CEP15: variants seen among roughly 807,000 people sequenced by gnomAD.
The protein encoded by CEP15 is centrosomal protein 15.
chr3:62,325,598 C>A, the CEP15 span, among the ~76,000 whole-genome samples: 4 of 152,150 alleles, frequency 2.6e-5, no homozygotes, highest in African/African-American at 9.7e-5. Flanking sequence ...TGGAATTTAT[C>A]TGCCTTTTAA....
At chr3:62,325,690 ATC>A in the CEP15 span, among the ~76,000 whole-genome samples, 5 of 152,290 alleles carry the variant, frequency 3.3e-5, no homozygotes, top group Middle Eastern at 3.4e-3. Flanking sequence ...GTAAGCTGAC[ATC>A]TCTCCCCACG....
the CEP15 span, among the ~76,000 whole-genome samples, chr3:62,323,090 T>C: frequency 5.9e-5 from 9 of 152,204 alleles, no homozygotes; most frequent in African/African-American, 1.9e-4. Flanking sequence ...GCACGTGATA[T>C]GATATTTGGT....
At chr3:62,333,306 C>G in the CEP15 span, 1 of 1,611,558 alleles carries the variant, frequency 6.2e-7, no homozygotes, top group East Asian at 2.2e-5. This position sits in a 1 kb window ranked among gnomAD's most constrained non-coding sequence, Gnocchi z 4.0. Flanking sequence ...GGAACAGTTT[C>G]TTTTAGGAAG....
the CEP15 span, among the ~76,000 whole-genome samples, chr3:62,325,769 C>T: frequency 4.8e-3 from 726 of 152,254 alleles, 6 homozygotes; most frequent in African/African-American, 0.017. Flanking sequence ...TGCGGTGGCT[C>T]ACGCCTGTAA....
the CEP15 span, chr3:62,322,099 A>G: frequency 6.4e-7 from 1 of 1,572,194 alleles, no homozygotes; most frequent in African/African-American, 1.4e-5. The surrounding 1 kb of genome is among the most constrained non-coding windows in gnomAD (Gnocchi z 5.5). Flanking sequence ...CACCTTCTCA[A>G]AAATCTTTTA....
the CEP15 span, among the ~76,000 whole-genome samples, chr3:62,332,183 G>A: frequency 6.6e-6 from 1 of 151,944 alleles, no homozygotes. Flanking sequence ...GCATATACAG[G>A]ACCCACACAA....
chr3:62,321,116 AAC>A, the CEP15 span, among the ~76,000 whole-genome samples: 1 of 152,222 alleles, frequency 6.6e-6, no homozygotes, highest in Non-Finnish European at 1.5e-5. This position sits in a 1 kb window ranked among gnomAD's most constrained non-coding sequence, Gnocchi z 4.1. Flanking sequence ...AGCCTGATGA[AAC>A]ACAGTGTTTC....
At chr3:62,331,241 A>T in the CEP15 span, 3 of 1,178,168 alleles carry the variant, frequency 2.5e-6, no homozygotes, top group Non-Finnish European at 3.8e-6. Flanking sequence ...GAGGTGAGAG[A>T]TTTGGGATAC....
At chr3:62,319,432 A>G in the CEP15 span, 1 of 152,060 alleles carries the variant, frequency 6.6e-6, no homozygotes, top group Non-Finnish European at 1.5e-5. Flanking sequence ...AATATCTGTA[A>G]TTTAGACCCC....
chr3:62,332,341 A>G, the CEP15 span, among the ~76,000 whole-genome samples: 1 of 152,152 alleles, frequency 6.6e-6, no homozygotes. Context: ...ATATATAGAC[A>G]TATAGAATCC....
chr3:62,320,758 C>T, the CEP15 span, among the ~76,000 whole-genome samples: 1 of 152,140 alleles, frequency 6.6e-6, no homozygotes, highest in Non-Finnish European at 1.5e-5. Flanking sequence ...TTTGCCCCTC[C>T]TCCCACCCTT....
the CEP15 span, among the ~76,000 whole-genome samples, chr3:62,327,996 C>T: frequency 6.6e-6 from 1 of 152,132 alleles, no homozygotes; most frequent in Non-Finnish European, 1.5e-5. Context: ...AGTTTCTTTT[C>T]TTTATGATGT....
the CEP15 span, chr3:62,333,135 T>C: frequency 9.7e-6 from 8 of 821,058 alleles, no homozygotes; most frequent in Non-Finnish European, 9.6e-6. The surrounding 1 kb of genome is among the most constrained non-coding windows in gnomAD (Gnocchi z 4.0). Flanking sequence ...CATATATGTG[T>C]GTGTGTGTGT....
the CEP15 span, among the ~76,000 whole-genome samples, chr3:62,319,565 T>TAC: frequency 1.3e-5 from 2 of 152,198 alleles, no homozygotes; most frequent in Non-Finnish European, 2.9e-5. Flanking sequence ...TTCAGCACCC[T>TAC]ACACTCAATA....
chr3:62,326,069 AGAGTAAGCTCAT>A, the CEP15 span, among the ~76,000 whole-genome samples: 3 of 151,554 alleles, frequency 2.0e-5, no homozygotes, highest in Non-Finnish European at 4.4e-5. Flanking sequence ...CATCACCTCA[AGAGTAAGCTCAT>A]GAGTAAGCTG....
chr3:62,322,036 A>G, the CEP15 span: 1 of 1,606,282 alleles, frequency 6.2e-7, no homozygotes, highest in Non-Finnish European at 8.5e-7. The surrounding 1 kb of genome is among the most constrained non-coding windows in gnomAD (Gnocchi z 5.5). Context: ...TTTTAAAAGG[A>G]ACCTTAGTCT....
the CEP15 span, chr3:62,335,191 T>C: frequency 1.3e-5 from 2 of 152,078 alleles, no homozygotes; most frequent in African/African-American, 4.8e-5. Context: ...CAAATGGCAA[T>C]CTAACCATCT....
At chr3:62,333,643 T>C in the CEP15 span, 1 of 283,980 alleles carries the variant, frequency 3.5e-6, no homozygotes, top group Non-Finnish European at 6.5e-6. The surrounding 1 kb of genome is among the most constrained non-coding windows in gnomAD (Gnocchi z 4.0). Flanking sequence ...CTTTATTAAT[T>C]AAATTATTGT....
chr3:62,322,062 C>T, the CEP15 span: 4 of 1,599,518 alleles, frequency 2.5e-6, no homozygotes, highest in African/African-American at 4.1e-5. The surrounding 1 kb of genome is among the most constrained non-coding windows in gnomAD (Gnocchi z 5.5). Context: ...AGGTAAGTTT[C>T]CATGACTTGA....
Sources: gnomAD v4.1 joint callset for allele counts (sites outside exome capture counted in the v4.1 genomes callset) on GRCh38, gnomAD v4.1.1 for gene constraint, Gnocchi (gnomAD v3.1) non-coding constraint, MANE v1.5 for transcripts, NCBI Gene and HGNC (gene_info 2026-07-23, HGNC 2026-07-21) for gene names.